USB1: variants seen among roughly 807,000 people sequenced by gnomAD.
USB1 encodes the protein U6 snRNA phosphodiesterase 1.
In USB1, 21 loss-of-function variants were observed where a neutral mutation model predicts 29.9. The ratio of observed to expected loss-of-function variants is 0.70; its 90% CI spans 0.50 to 1.01. The LOEUF is 1.01. Ranked by LOEUF, USB1 falls within the 50% of genes least tolerant of loss-of-function variation. USB1 has a pLI of 0.00. For synonymous variants in USB1, 143 were observed against 134.9 expected, an observed-to-expected ratio of 1.06 and a Z score of -0.42; for missense variants, 330 against 347.1, an observed-to-expected ratio of 0.95 and a Z score of 0.39.
chr16:57,999,879 C>T (rs1249804565), upstream of USB1: 1 of 152,708 alleles, frequency 6.5e-6, no homozygotes, highest in Non-Finnish European at 1.5e-5. Flanking sequence ...GTTTTGTTTG[C>T]TTTTTCTGGC....
In USB1 at chr16:58,020,247, C is replaced by T. The variant is rs771359873; in HGVS notation, c.*2C>T. 6.2e-7 allele frequency: 1 copy of T among 1,614,012 alleles called. No individual in the cohort carries two copies. The highest frequency in any genetic ancestry group is 1.1e-5 in the South Asian group (1 of 91,070). The stretch of plus-strand genomic sequence containing the variant: ...TTCTTCTCGATGCCTTTGAAGTGAG[C>T]ACCAGAGGCCTTCCTCCTCCAGGGC... On this transcript the variant is annotated 3_prime_UTR_variant, in exon 7 of 7. Coordinates refer to ENST00000219281, the MANE Select transcript of USB1 (RefSeq NM_024598.4).
intron 2 of USB1, among the ~76,000 whole-genome samples, chr16:58,006,934 G>T (rs760599193): frequency 1.3e-5 from 2 of 152,114 alleles, no homozygotes; most frequent in Non-Finnish European, 2.9e-5. Flanking sequence ...ATGGGTATTG[G>T]ATTTTGTCAA....
At position 58,017,314 on chromosome 16, in the gene USB1, C is replaced by T. The variant is rs1445238821; in HGVS notation, c.504-20C>T. On this transcript the variant is annotated intron_variant, in intron 4 of 6. Coordinates refer to ENST00000219281, the MANE Select transcript of USB1 (RefSeq NM_024598.4). Reference sequence around the variant, plus strand: ...TCTCAGAGGCTACATCTCATGCCTGCGTTGTCTTCCTCTCCCCAGGACCTT... The same window carrying T: ...TCTCAGAGGCTACATCTCATGCCTGTGTTGTCTTCCTCTCCCCAGGACCTT... The T allele has an allele frequency of 1.9e-6, 3 of 1,600,278 alleles. No homozygotes were observed. Among genetic ancestry groups the T allele is most frequent in the East Asian group, 2.2e-5 (1 of 44,806 alleles).
At position 58,014,291 on chromosome 16, in the gene USB1, C is replaced by T. The variant is rs372875085; in HGVS notation, c.468C>T (p.Asn156=). ...TSFHRFFFTA[N]QVKIYTNQEK... ...ATTTCAGATTCTTCTTTACTGCCAA[C>T]CAGGTAAAGATTTACACCAATCAAG... Residue 156 remains asparagine, a synonymous_variant, in exon 4 of 7, where the codon AAC becomes AAT. Coordinates refer to ENST00000219281, the MANE Select transcript of USB1 (RefSeq NM_024598.4). 93 of 1,613,468 alleles carry T rather than the reference C, an allele frequency of 5.8e-5. No individual in the cohort carries two copies. Among genetic ancestry groups the T allele is most frequent in the Non-Finnish European group, 3.6e-5 (43 of 1,179,746 alleles).
chr16:58,014,216 A>AT (rs1274308884), intron 3 of USB1, 57 bp from the exon 4 acceptor site: 41 of 1,440,678 alleles, frequency 2.8e-5, no homozygotes, highest in Non-Finnish European at 3.9e-5. Context: ...AACATAAGCT[A>AT]TTTTTTCTGC....
intron 3 of USB1, chr16:58,012,344 C>G (rs1252564280): frequency 6.5e-7 from 1 of 1,533,606 alleles, no homozygotes; most frequent in South Asian, 1.2e-5. Flanking sequence ...ATGCCAGAAG[C>G]CCAACCCAAA....
rs922021582 is a variant in USB1 at position 58,018,969 on chromosome 16, C to A, written c.610-3C>A. The A allele has an allele frequency of 5.0e-6, 8 of 1,614,048 alleles. No individual in the cohort carries two copies. The African/African-American group carries it at 1.1e-4, about 22-fold the overall frequency. On this transcript the variant is annotated splice_region_variant and splice_polypyrimidine_tract_variant and intron_variant, in intron 5 of 6. Coordinates refer to ENST00000219281, the MANE Select transcript of USB1 (RefSeq NM_024598.4). ...ACTGCCTGCCTCTCGTTTCCCTCCC[C>A]AGGATCCTTCTTTCCACCTCAGCCT...
chr16:58,005,301 G>A (rs916608634), intron 2 of USB1, among the ~76,000 whole-genome samples: 6 of 151,984 alleles, frequency 3.9e-5, no homozygotes, highest in Admixed American at 6.5e-5. Context: ...AACTCCCCTG[G>A]GGAAAGGGAG....
At chr16:58,014,003 C>G (rs1963556304) in intron 3 of USB1, 1 of 434,988 alleles carries the variant, frequency 2.3e-6, no homozygotes, top group African/African-American at 2.0e-5. Flanking sequence ...GAGATAGTCT[C>G]AAATTGTTTA....
rs199886884 is a variant in USB1, at chr16:58,010,052, G to A, written c.389G>A (p.Arg130His). 10 of 1,613,952 alleles carry A rather than the reference G, an allele frequency of 6.2e-6. No individual in the cohort carries two copies. The highest frequency in any genetic ancestry group is 1.6e-4 in the Middle Eastern group (1 of 6,084). The change falls in exon 3 of 7, where the codon CGC becomes CAC. Residue 130 changes from arginine (R) to histidine (H), a missense_variant. By Grantham distance (29) the Arg-to-His change is conservative (BLOSUM62 0). Coordinates refer to ENST00000219281, the MANE Select transcript of USB1 (RefSeq NM_024598.4). The stretch of plus-strand genomic sequence containing the variant: ...AGCCTGTCCCAGAGTGTGGTTCTGC[G>A]CCACCACTGGATCCTCCCCTTCGTG... ...HLSLSQSVVLRHHWILPFVQA... is the reference protein window; with the variant it reads ...HLSLSQSVVLHHHWILPFVQA...
intron 5 of USB1, 147 bp downstream of exon 5, chr16:58,017,586 A>C (rs901031670): frequency 1.3e-6 from 1 of 762,626 alleles, no homozygotes; most frequent in African/African-American, 1.7e-5. Flanking sequence ...GAGGATGCAC[A>C]CCTCGGGGGG....
At chr16:58,018,857 T>C (rs1963677806) in intron 5 of USB1, 115 bp from the exon 6 acceptor site, 1 of 1,014,740 alleles carries the variant, frequency 9.9e-7, no homozygotes, top group Non-Finnish European at 1.5e-6. Flanking sequence ...TGTCTCCCAC[T>C]GGGCAGGCCA....
intron 1 of USB1, 49 bp downstream of exon 1, chr16:58,001,630 G>A: frequency 6.4e-7 from 1 of 1,558,022 alleles, no homozygotes; most frequent in Non-Finnish European, 8.7e-7. Flanking sequence ...TCACCCTAGA[G>A]CCAGACGGGA....
chr16:58,009,649 C>G (rs951659481), intron 2 of USB1, among the ~76,000 whole-genome samples: 1 of 151,060 alleles, frequency 6.6e-6, no homozygotes, highest in Admixed American at 6.6e-5. Context: ...GGCATGAACC[C>G]GGGAAACGGA....
chr16:58,013,450 AC>A lies in USB1; in HGVS notation c.450-820del. On this transcript the variant is annotated intron_variant, in intron 3 of 6. Transcript: ENST00000219281. This position sits in a 1 kb window ranked among gnomAD's most constrained non-coding sequence, Gnocchi z 4.3. Reference sequence around the variant, plus strand: ...TTATGTTCCCTCAGATGGGGGTGAGACCCTTGGCCTGGGGGCTGTAAAATGA... The same window carrying A: ...TTATGTTCCCTCAGATGGGGGTGAGACCTTGGCCTGGGGGCTGTAAAATGA... The A allele has an allele frequency of 1.0e-6, 1 of 985,356 alleles. No individual in the cohort carries two copies. Among genetic ancestry groups the A allele is most frequent in the Non-Finnish European group, 1.2e-6 (1 of 829,988 alleles). 61.0% of individuals were successfully genotyped at this position (985,356 alleles called of 1,614,324 possible).
intron 2 of USB1, among the ~76,000 whole-genome samples, chr16:58,003,057 C>T (rs369660524): frequency 7.9e-5 from 12 of 152,246 alleles, no homozygotes; most frequent in African/African-American, 2.6e-4. Context: ...GACCTCACTC[C>T]GCTGCCCACT....
Position 58,013,157 on chromosome 16 carries a change from C to T in USB1, c.450-1116C>T, listed in dbSNP as rs1029173224. On this transcript the variant is annotated intron_variant, in intron 3 of 6. Coordinates refer to ENST00000219281, the MANE Select transcript of USB1 (RefSeq NM_024598.4). The surrounding 1 kb of genome is among the most constrained non-coding windows in gnomAD (Gnocchi z 4.3). ...GAGGAAATGCTAAGCTCTGTTTGGC[C>T]AGGCCTGGGCAGCCTGCCTCTGGAG... 2 of 985,292 alleles carry T rather than the reference C, an allele frequency of 2.0e-6. No homozygotes were observed. Among genetic ancestry groups the T allele is most frequent in the Admixed American group, 6.1e-5 (1 of 16,262 alleles). The allele number at this position is 985,292 out of a possible 1,614,324, so 61.0% of individuals were successfully genotyped here.
At chr16:58,010,192 C>A (rs1364505113) in intron 3 of USB1, 80 bp downstream of exon 3, 2 of 1,554,920 alleles carry the variant, frequency 1.3e-6, no homozygotes, top group South Asian at 1.1e-5. Flanking sequence ...GCGGGCATTA[C>A]CCCAGCAGGC....
At chr16:58,018,309 C>T (rs1963664196) in intron 5 of USB1, among the ~76,000 whole-genome samples, 1 of 151,480 alleles carries the variant, frequency 6.6e-6, no homozygotes, top group Admixed American at 6.6e-5. Flanking sequence ...TCCCTGCAAC[C>T]TCCGCCTCCC....
Sources: allele counts gnomAD v4.1 joint callset (sites outside exome capture counted in the v4.1 genomes callset), GRCh38; gene constraint gnomAD v4.1.1; non-coding constraint Gnocchi (gnomAD v3.1); transcripts MANE v1.5; gene names NCBI Gene and HGNC (gene_info 2026-07-23, HGNC 2026-07-21).